LOC128462377: variants seen among roughly 807,000 people sequenced by gnomAD.
the LOC128462377 span, chr16:89,324,230 C>T: frequency 3.3e-6 from 4 of 1,201,468 alleles, no homozygotes; most frequent in Non-Finnish European, 4.2e-6. Context: ...CTGCTTTGCC[C>T]CTCAGACACA....
At chr16:89,411,379 C>CA in the LOC128462377 span, among the ~76,000 whole-genome samples, 10 of 152,378 alleles carry the variant, frequency 6.6e-5, no homozygotes, top group South Asian at 2.1e-3. Context: ...CTGGCTGGGC[C>CA]AGACGCTACA....
chr16:89,329,648 G>GGA, the LOC128462377 span, among the ~76,000 whole-genome samples: 1 of 152,206 alleles, frequency 6.6e-6, no homozygotes, highest in Non-Finnish European at 1.5e-5. Context: ...GTATGAGGTA[G>GGA]GAGGTAAGCT....
chr16:89,336,642 C>A, the LOC128462377 span, among the ~76,000 whole-genome samples: 6 of 152,256 alleles, frequency 3.9e-5, no homozygotes, highest in African/African-American at 1.4e-4. Context: ...CCTGTGGGCA[C>A]CACACCCCCC....
chr16:89,336,141 G>C, the LOC128462377 span, among the ~76,000 whole-genome samples: 1 of 152,218 alleles, frequency 6.6e-6, no homozygotes, highest in East Asian at 1.9e-4. Flanking sequence ...GTAATCCACA[G>C]AACCCAGGCC....
At chr16:89,353,448 C>T in the LOC128462377 span, among the ~76,000 whole-genome samples, 1 of 152,122 alleles carries the variant, frequency 6.6e-6, no homozygotes, top group Non-Finnish European at 1.5e-5. Context: ...GTAAGAGGAA[C>T]ACCAGTCCAA....
At chr16:89,380,119 T>C in the LOC128462377 span, among the ~76,000 whole-genome samples, 5 of 152,294 alleles carry the variant, frequency 3.3e-5, no homozygotes, top group South Asian at 1.0e-3. Context: ...TGATGCCTGT[T>C]TTTTTCTTTT....
the LOC128462377 span, among the ~76,000 whole-genome samples, chr16:89,329,843 G>A: frequency 6.6e-6 from 1 of 151,858 alleles, no homozygotes; most frequent in Non-Finnish European, 1.5e-5. Context: ...ACTCTCTACT[G>A]AAAATACAAA....
chr16:89,327,203 C>G, the LOC128462377 span, among the ~76,000 whole-genome samples: 13 of 152,276 alleles, frequency 8.5e-5, no homozygotes, highest in Non-Finnish European at 1.6e-4. Flanking sequence ...AGCATGCCAA[C>G]AAGCTAAAGA....
chr16:89,408,252 G>A, the LOC128462377 span, among the ~76,000 whole-genome samples: 1 of 152,242 alleles, frequency 6.6e-6, no homozygotes, highest in Non-Finnish European at 1.5e-5. Flanking sequence ...CAGAAGCCCA[G>A]TTCTCCACCC....
the LOC128462377 span, among the ~76,000 whole-genome samples, chr16:89,341,630 C>A: frequency 6.6e-6 from 1 of 152,252 alleles, no homozygotes; most frequent in Non-Finnish European, 1.5e-5. Context: ...GCCCATAAAT[C>A]CCACCGTTAA....
the LOC128462377 span, among the ~76,000 whole-genome samples, chr16:89,341,859 CCCACAGCGGCCACGGCCCACGGCAGGAG>C: frequency 2.9e-4 from 27 of 92,310 alleles, 1 homozygote; most frequent in African/African-American, 1.1e-3. Flanking sequence ...TGCACCTCCA[CCCACAGCGGCCACGGCCCACGGCAGGAG>C]TGCTGCACCT....
chr16:89,373,271 C>T, the LOC128462377 span: 21 of 152,208 alleles, frequency 1.4e-4, no homozygotes, highest in Admixed American at 1.1e-3. Context: ...CAAAATTATC[C>T]CCAGATAAGT....
At chr16:89,338,456 T>G in the LOC128462377 span, among the ~76,000 whole-genome samples, 6 of 148,514 alleles carry the variant, frequency 4.0e-5, no homozygotes, top group African/African-American at 1.5e-4. Context: ...GACCAGGCGC[T>G]GTGGCTCACA....
chr16:89,354,107 C>T, the LOC128462377 span, among the ~76,000 whole-genome samples: 16 of 152,266 alleles, frequency 1.1e-4, no homozygotes, highest in African/African-American at 3.4e-4. Flanking sequence ...CCTCAGGTGC[C>T]GCCTGCAAGG....
At chr16:89,368,879 G>T in the LOC128462377 span, among the ~76,000 whole-genome samples, 1 of 152,144 alleles carries the variant, frequency 6.6e-6, no homozygotes, top group African/African-American at 2.4e-5. Context: ...AAATCTAGGG[G>T]AGGAGAAAGA....
chr16:89,359,969 CG>C, the LOC128462377 span, among the ~76,000 whole-genome samples: 8 of 148,216 alleles, frequency 5.4e-5, no homozygotes, highest in South Asian at 8.6e-4. Context: ...CGGCAGTGGG[CG>C]GGGGGGGAGG....
chr16:89,341,123 G>A, the LOC128462377 span, among the ~76,000 whole-genome samples: 1 of 152,156 alleles, frequency 6.6e-6, no homozygotes, highest in Non-Finnish European at 1.5e-5. Context: ...TGCAATATTA[G>A]AAAAGAAATC....
chr16:89,327,966 A>T, the LOC128462377 span, among the ~76,000 whole-genome samples: 1 of 152,272 alleles, frequency 6.6e-6, no homozygotes, highest in Non-Finnish European at 1.5e-5. Context: ...GACAGGGAAA[A>T]ATATCTGCAA....
At chr16:89,319,530 G>A in the LOC128462377 span, among the ~76,000 whole-genome samples, 960 of 152,340 alleles carry the variant, frequency 6.3e-3, 13 homozygotes, top group African/African-American at 0.022. Context: ...CATCCAGGCC[G>A]TGGCCCTTCC....
Sources: gnomAD v4.1 joint callset for allele counts (sites outside exome capture counted in the v4.1 genomes callset) on GRCh38, gnomAD v4.1.1 for gene constraint, MANE v1.5 for transcripts.